FNTB: variants seen among roughly 807,000 people sequenced by gnomAD.
FNTB encodes the protein protein farnesyltransferase subunit beta.
FNTB carries 27 observed loss-of-function variants against 59.4 expected under a neutral mutation model. The ratio of observed to expected loss-of-function variants is 0.45; its 90% confidence interval spans 0.34 to 0.63. The LOEUF (loss-of-function observed/expected upper bound fraction) is 0.63, where lower values mean the gene tolerates loss of function less well. FNTB is among the 20% of genes least tolerant of loss of function. The probability of loss-of-function intolerance (pLI) is 0.02; values close to 1 mark genes in which losing one functional copy is unlikely to be tolerated. For synonymous variants in FNTB, 230 were observed against 220.7 expected (o/e 1.04, Z -0.37); for missense variants, 449 against 559.6 (o/e 0.80, Z 1.99).
intron 4 of FNTB, among the ~76,000 whole-genome samples, chr14:65,018,876 C>T (rs2061831529): frequency 6.7e-6 from 1 of 149,354 alleles, no homozygotes; most frequent in African/African-American, 2.5e-5. Context: ...TTTGGGAGAA[C>T]GAAGTGGGTG....
intron 1 of FNTB, among the ~76,000 whole-genome samples, chr14:65,002,821 CAG>C (rs891379569): frequency 2.0e-5 from 3 of 151,838 alleles, no homozygotes; most frequent in African/African-American, 7.3e-5. Flanking sequence ...AAGTCATTGA[CAG>C]GGAGATAAGG....
chr14:65,027,540 T>C lies in FNTB; in HGVS notation c.462T>C (p.Tyr154=). ...AGTATCCACACCTTGCACCCACATA[T>C]GCAGCAGTCAATGCATTGTGCATCA... is the stretch of plus-strand genomic sequence containing the variant. The part of the protein sequence containing the change: ...PGQYPHLAPT[Y]AAVNALCIIG... The change falls in exon 5 of 12, where the codon TAT becomes TAC. Residue 154 remains tyrosine, a synonymous_variant. Coordinates refer to ENST00000246166, the MANE Select transcript of FNTB (RefSeq NM_002028.4). The surrounding 1 kb of genome is among the most constrained non-coding windows in gnomAD (Gnocchi z 5.7). 1.2e-6 allele frequency: 2 copies of C among 1,614,212 alleles called. No individual in the cohort carries two copies. Among genetic ancestry groups the C allele is most frequent in the Non-Finnish European group, 1.7e-6 (2 of 1,180,030 alleles).
chr14:65,048,955 T>G (rs2062547869), intron 9 of FNTB, among the ~76,000 whole-genome samples: 1 of 152,042 alleles, frequency 6.6e-6, no homozygotes, highest in Admixed American at 6.6e-5. Context: ...TGAAACCCCA[T>G]CTCTACTAAA....
chr14:65,037,402 CCTTTTTTTTTTTTTTTTTTTTTTTTTT>C (rs1173222800), intron 7 of FNTB, among the ~76,000 whole-genome samples: 27 of 14,534 alleles, frequency 1.9e-3, no homozygotes, highest in African/African-American at 4.1e-3. Context: ...CACGCCGGGC[CCTTTTTTTTTTTTTTTTTTTTTTTTTT>C]TTTTTTTTTT....
rs1018551283 is a variant in FNTB, at chr14:65,030,737, C to CT, written c.606-1871dup. 6.7e-6 allele frequency among the ~76,000 whole-genome samples: 1 copy of CT among 150,028 alleles called. No homozygotes were observed. Among genetic ancestry groups the CT allele is most frequent in the Non-Finnish European group, 1.5e-5 (1 of 67,590 alleles). On this transcript the variant is annotated intron_variant, in intron 6 of 11. Coordinates refer to ENST00000246166, the MANE Select transcript of FNTB (RefSeq NM_002028.4). The surrounding 1 kb of genome is among the most constrained non-coding windows in gnomAD (Gnocchi z 4.5). ...CCTGGGCAACAAAGTGAGATCCTAT[C>CT]TTAAAAAAAAAAAAGAAGATGGAAA...
At chr14:65,048,865 G>T (rs886519650) in intron 9 of FNTB, among the ~76,000 whole-genome samples, 26 of 152,004 alleles carry the variant, frequency 1.7e-4, no homozygotes, top group African/African-American at 5.8e-4. Context: ...AAACACAAAA[G>T]CCTGTAATCC....
intron 4 of FNTB, among the ~76,000 whole-genome samples, chr14:65,026,120 C>G (rs900586853): frequency 1.3e-5 from 2 of 152,126 alleles, no homozygotes; most frequent in East Asian, 1.9e-4. Flanking sequence ...GAGGTGAAAG[C>G]GCCCAGGAAA....
Position 65,027,315 on chromosome 14 carries a change from C to A in FNTB, c.375-138C>A. On this transcript the variant is annotated intron_variant, in intron 4 of 11. Transcript: ENST00000246166. The surrounding 1 kb of genome is among the most constrained non-coding windows in gnomAD (Gnocchi z 5.7). Reference sequence around the variant, plus strand: ...AAGCCCTTTGGGGAGAGGTTATATTCAACAAGTGGGAGGAGAGGTTCCCCT... The same window carrying A: ...AAGCCCTTTGGGGAGAGGTTATATTAAACAAGTGGGAGGAGAGGTTCCCCT... 1 of 1,365,764 alleles carries A rather than the reference C, an allele frequency of 7.3e-7. No individual in the cohort carries two copies. Among genetic ancestry groups the A allele is most frequent in the South Asian group, 1.4e-5 (1 of 73,646 alleles). The allele number at this position is 1,365,764 out of a possible 1,614,324, so 84.6% of individuals were successfully genotyped here.
At chr14:65,008,293 G>T (rs557067326) in intron 2 of FNTB, among the ~76,000 whole-genome samples, 1 of 152,176 alleles carries the variant, frequency 6.6e-6, no homozygotes, top group East Asian at 1.9e-4. Context: ...CCCAGGTTTG[G>T]GGGGAGGAAG....
At chr14:65,038,713 G>A (rs1346234100) in intron 7 of FNTB, among the ~76,000 whole-genome samples, 1 of 152,156 alleles carries the variant, frequency 6.6e-6, no homozygotes, top group East Asian at 1.9e-4. Flanking sequence ...GCGAGACTCT[G>A]TCTCAAAAAT....
intron 1 of FNTB, among the ~76,000 whole-genome samples, chr14:65,002,371 G>C (rs2061533383): frequency 6.6e-6 from 1 of 152,248 alleles, no homozygotes; most frequent in South Asian, 2.1e-4. Flanking sequence ...CACTTTGGGA[G>C]GCCGAGGCAG....
intron 4 of FNTB, among the ~76,000 whole-genome samples, chr14:65,020,210 G>A (rs1335817232): frequency 1.3e-5 from 2 of 152,238 alleles, no homozygotes; most frequent in Admixed American, 1.3e-4. Context: ...GCTGACCAAA[G>A]CCAGCAAGGC....
At chr14:65,045,444 C>T (rs1050460858) in intron 9 of FNTB, among the ~76,000 whole-genome samples, 3 of 129,074 alleles carry the variant, frequency 2.3e-5, no homozygotes, top group African/African-American at 5.7e-5. Context: ...GAGATGGAGT[C>T]GTGCTCTGTC....
chr14:64,987,521 T>G, intron 1 of FNTB: 1 of 187,262 alleles, frequency 5.3e-6, no homozygotes, highest in Middle Eastern at 2.7e-3. Context: ...GCTGCTGTCA[T>G]GCCGTTTCAC....
rs1334681668 is a variant in FNTB, at chr14:65,054,951, C to G, written c.1182+262C>G. Among the ~76,000 whole-genome samples, 1 of 152,192 alleles carries G rather than the reference C, an allele frequency of 6.6e-6. No homozygotes were observed. Among genetic ancestry groups the G allele is most frequent in the Non-Finnish European group, 1.5e-5 (1 of 68,040 alleles). On this transcript the variant is annotated intron_variant, in intron 11 of 11. Coordinates refer to ENST00000246166, the MANE Select transcript of FNTB (RefSeq NM_002028.4). The surrounding 1 kb of genome is among the most constrained non-coding windows in gnomAD (Gnocchi z 4.4). ...TTATCCCAGGGCTGAGGACCTAGCC[C>G]ACTGCTGGTATTAGCTTCCCCTAGA...
intron 1 of FNTB, among the ~76,000 whole-genome samples, chr14:65,002,465 TG>T (rs1391318995): frequency 6.6e-6 from 1 of 151,908 alleles, no homozygotes; most frequent in African/African-American, 2.4e-5. Context: ...AAAAATTAGC[TG>T]GGCGGGGTGG....
intron 4 of FNTB, among the ~76,000 whole-genome samples, chr14:65,021,609 C>A (rs1229744058): frequency 6.6e-6 from 1 of 152,118 alleles, no homozygotes; most frequent in East Asian, 1.9e-4. Flanking sequence ...AATTACTGAG[C>A]CCCAGTGTCA....
Position 65,012,294 on chromosome 14 carries a change from T to C in FNTB, c.210-23T>C. ...GGAAGCATAAGCTATTAGAATGGGC[T>C]TATAAACTGTTTGTCTTTCCAGGCT... On this transcript the variant is annotated intron_variant, in intron 2 of 11. Transcript: ENST00000246166. The surrounding 1 kb of genome is among the most constrained non-coding windows in gnomAD (Gnocchi z 5.0). The C allele has an allele frequency of 6.2e-7, 1 of 1,613,940 alleles. No individual in the cohort carries two copies. The highest frequency in any genetic ancestry group is 8.5e-7 in the Non-Finnish European group (1 of 1,179,850).
Position 65,044,841 on chromosome 14 carries a change from C to A in FNTB, c.955+398C>A. ...GTTGCAACAGTCACTGTTGCAACAGCAACAGGAAAGGCAACTGCGTAAAGG... is the reference window on the plus strand; with the variant it reads ...GTTGCAACAGTCACTGTTGCAACAGAAACAGGAAAGGCAACTGCGTAAAGG... On this transcript the variant is annotated intron_variant, in intron 9 of 11. Transcript: ENST00000246166. The surrounding 1 kb of genome is among the most constrained non-coding windows in gnomAD (Gnocchi z 5.5). The A allele has an allele frequency of 6.3e-6, 1 of 158,348 alleles. No individual in the cohort carries two copies. Among genetic ancestry groups the A allele is most frequent in the Non-Finnish European group, 1.3e-5 (1 of 74,176 alleles). The allele number at this position is 158,348 out of a possible 1,614,324, so 9.8% of individuals were successfully genotyped here. A position where few individuals can be genotyped will look rare whatever the true frequency, so the allele number is the denominator to read the frequency against.
Sources: allele counts gnomAD v4.1 joint callset (sites outside exome capture counted in the v4.1 genomes callset), GRCh38; gene constraint gnomAD v4.1.1; non-coding constraint Gnocchi (gnomAD v3.1); transcripts MANE v1.5; gene names NCBI Gene and HGNC (gene_info 2026-07-23, HGNC 2026-07-21).